ZMAT4: variants seen among roughly 807,000 people sequenced by gnomAD.
ZMAT4 encodes the protein zinc finger matrin-type protein 4.
ZMAT4 carries 17 observed loss-of-function variants against 28.7 expected under a neutral mutation model. The observed-to-expected ratio is 0.59, with a 90% CI of 0.41 to 0.89. The LOEUF (loss-of-function observed/expected upper bound fraction) is 0.89. Ranked by LOEUF, ZMAT4 falls within the 40% of genes least tolerant of loss-of-function variation. ZMAT4 has a pLI of 0.00. For missense variants in ZMAT4, 240 were observed against 283.8 expected (o/e 0.85, Z 1.11); for synonymous variants, 117 against 109.2 (o/e 1.07, Z -0.44).
chr8:40,893,298 C>T (rs1818757045), intron 1 of ZMAT4, among the ~76,000 whole-genome samples: 1 of 152,198 alleles, frequency 6.6e-6, no homozygotes, highest in Non-Finnish European at 1.5e-5. Flanking sequence ...GCTGTAGCAT[C>T]TGCAGTGGGA....
At chr8:40,669,974 C>T (rs1426153614) in intron 5 of ZMAT4, among the ~76,000 whole-genome samples, 1 of 152,190 alleles carries the variant, frequency 6.6e-6, no homozygotes, top group African/African-American at 2.4e-5. Flanking sequence ...AATTTAAATA[C>T]ATTATTCCCA....
At chr8:40,891,186 G>GGGGGAGGAGA (rs1818659447) in intron 1 of ZMAT4, among the ~76,000 whole-genome samples, 1 of 44,642 alleles carries the variant, frequency 2.2e-5, no homozygotes, top group African/African-American at 7.4e-5. Flanking sequence ...CAACAGAGTG[G>GGGGGAGGAGA]GGAGAGGAGA....
chr8:40,815,632 T>C (rs1374563040), intron 2 of ZMAT4, among the ~76,000 whole-genome samples: 1 of 152,176 alleles, frequency 6.6e-6, no homozygotes, highest in African/African-American at 2.4e-5. Flanking sequence ...TATTTAGCAG[T>C]GAGGCACAGA....
intron 5 of ZMAT4, among the ~76,000 whole-genome samples, chr8:40,623,217 A>G (rs543967597): frequency 3.9e-5 from 6 of 152,178 alleles, no homozygotes; most frequent in Admixed American, 3.9e-4. Flanking sequence ...GTAACAGAAG[A>G]AGCCCAGCTA....
intron 6 of ZMAT4, among the ~76,000 whole-genome samples, chr8:40,532,996 A>T: frequency 6.6e-6 from 1 of 152,028 alleles, no homozygotes; most frequent in East Asian, 1.9e-4. Flanking sequence ...AAAAAAAAAA[A>T]ATTCTTTCTG....
chr8:40,842,247 C>T (rs1055533506), intron 1 of ZMAT4, among the ~76,000 whole-genome samples: 2 of 152,218 alleles, frequency 1.3e-5, no homozygotes, highest in Non-Finnish European at 2.9e-5. Context: ...GAGCTATACC[C>T]TCCCATGGCC....
intron 6 of ZMAT4, among the ~76,000 whole-genome samples, chr8:40,550,717 G>A (rs1803343181): frequency 2.0e-5 from 3 of 152,072 alleles, no homozygotes; most frequent in Admixed American, 2.0e-4. Context: ...GAAGGTGCCT[G>A]CTTCCCCTTT....
At chr8:40,794,720 G>C (rs1279942010) in intron 2 of ZMAT4, among the ~76,000 whole-genome samples, 2 of 152,138 alleles carry the variant, frequency 1.3e-5, no homozygotes, top group African/African-American at 4.8e-5. Context: ...AGTGGACACA[G>C]GTATTCCCAG....
intron 4 of ZMAT4, among the ~76,000 whole-genome samples, chr8:40,682,710 A>G (rs1021101636): frequency 1.3e-5 from 2 of 152,238 alleles, no homozygotes; most frequent in African/African-American, 4.8e-5. Flanking sequence ...CCTTCTAAGT[A>G]TAATCAGCCT....
chr8:40,578,852 C>T (rs1236289096), intron 6 of ZMAT4, among the ~76,000 whole-genome samples: 1 of 152,098 alleles, frequency 6.6e-6, no homozygotes, highest in African/African-American at 2.4e-5. Flanking sequence ...GAAGTGGAAC[C>T]CTCTTTTCAA....
chr8:40,896,304 A>G (rs1818877350), intron 1 of ZMAT4, among the ~76,000 whole-genome samples: 1 of 152,208 alleles, frequency 6.6e-6, no homozygotes, highest in Admixed American at 6.5e-5. Context: ...TCCCTCCCAG[A>G]ACATGCAGTC....
intron 5 of ZMAT4, among the ~76,000 whole-genome samples, chr8:40,593,889 G>T (rs990493633): frequency 6.6e-6 from 1 of 152,052 alleles, no homozygotes; most frequent in Non-Finnish European, 1.5e-5. Flanking sequence ...GAGACACATC[G>T]CTTACAGCAG....
intron 6 of ZMAT4, among the ~76,000 whole-genome samples, chr8:40,567,672 C>T (rs1353966293): frequency 3.4e-5 from 5 of 148,954 alleles, no homozygotes; most frequent in African/African-American, 1.2e-4. Context: ...CACTGCACTC[C>T]AGCCTGGGGG....
intron 2 of ZMAT4, among the ~76,000 whole-genome samples, chr8:40,815,510 AT>A (rs1815496790): frequency 6.6e-6 from 1 of 152,182 alleles, no homozygotes; most frequent in African/African-American, 2.4e-5. Flanking sequence ...ATCCATCTAA[AT>A]AAGACTCTGG....
At chr8:40,807,643 C>A (rs1045015068) in intron 2 of ZMAT4, among the ~76,000 whole-genome samples, 2 of 152,160 alleles carry the variant, frequency 1.3e-5, no homozygotes, top group South Asian at 4.1e-4. Context: ...CTTTTCTGAG[C>A]AAACACATTT....
intron 5 of ZMAT4, among the ~76,000 whole-genome samples, chr8:40,636,930 A>G (rs553473230): frequency 6.6e-6 from 1 of 152,278 alleles, no homozygotes; most frequent in Non-Finnish European, 1.5e-5. Flanking sequence ...CCTATTTCTG[A>G]TCTGAGAGCT....
intron 6 of ZMAT4, among the ~76,000 whole-genome samples, chr8:40,545,950 T>TTA (rs1554519501): frequency 1.9e-4 from 25 of 132,892 alleles, no homozygotes; most frequent in African/African-American, 2.5e-4. Flanking sequence ...TGAAGCCCAG[T>TTA]AAAAAAAAAA....
At chr8:40,830,904 T>C (rs770673338) in intron 1 of ZMAT4, among the ~76,000 whole-genome samples, 4 of 152,196 alleles carry the variant, frequency 2.6e-5, no homozygotes, top group Non-Finnish European at 5.9e-5. Context: ...AGGAAAATTC[T>C]CACAGGGTTA....
At chr8:40,739,625 T>C (rs2150533460) in intron 3 of ZMAT4, among the ~76,000 whole-genome samples, 1 of 152,134 alleles carries the variant, frequency 6.6e-6, no homozygotes, top group Admixed American at 6.5e-5. Context: ...CCTATCAGGG[T>C]TTTTGTTTGT....
Sources: gnomAD v4.1 joint callset for allele counts (sites outside exome capture counted in the v4.1 genomes callset) on GRCh38, gnomAD v4.1.1 for gene constraint, MANE v1.5 for transcripts, NCBI Gene and HGNC (gene_info 2026-07-23, HGNC 2026-07-21) for gene names.